ASIC2: variants seen among roughly 807,000 people sequenced by gnomAD.
ASIC2 encodes the protein acid-sensing ion channel 2.
In ASIC2, 25 loss-of-function variants were observed where a neutral mutation model predicts 57.3. The observed-to-expected ratio is 0.44, with a 90% confidence interval of 0.32 to 0.61. The LOEUF (loss-of-function observed/expected upper bound fraction) is 0.61, where lower values mean the gene tolerates loss of function less well. ASIC2 is among the 20% of genes least tolerant of loss of function. ASIC2 has a pLI of 0.06. For synonymous variants in ASIC2, 319 were observed against 307.5 expected (o/e 1.04, Z -0.39); for missense variants, 641 against 738.1 (o/e 0.87, Z 1.52).
intron 1 of ASIC2, among the ~76,000 whole-genome samples, chr17:33,785,015 C>T (rs1911561164): frequency 6.6e-6 from 1 of 152,022 alleles, no homozygotes; most frequent in South Asian, 2.1e-4. Context: ...TCACATTCCC[C>T]CAAAAATTCC....
Position 33,013,626 on chromosome 17 carries a change from G to A in ASIC2, c.*339C>T. 3.3e-6 allele frequency: 1 copy of A among 301,126 alleles called. No homozygotes were observed. The highest frequency in any genetic ancestry group is 6.4e-6 in the Non-Finnish European group (1 of 156,786). 18.7% of individuals were successfully genotyped at this position (301,126 alleles called of 1,614,324 possible). On this transcript the variant is annotated 3_prime_UTR_variant, in exon 10 of 10. Coordinates refer to ENST00000225823, the MANE Select transcript of ASIC2 (RefSeq NM_183377.2). ...GTGTGGACACTGGAAACCGCGTGGA[G>A]GAGTGTCATGTACAAGACAGACGTG...
At chr17:33,408,316 A>G (rs942959218) in intron 1 of ASIC2, among the ~76,000 whole-genome samples, 2 of 152,226 alleles carry the variant, frequency 1.3e-5, no homozygotes, top group Non-Finnish European at 2.9e-5. Flanking sequence ...TGAGAACACC[A>G]GGAACAGGAA....
At chr17:33,423,396 C>A (rs1349570942) in intron 1 of ASIC2, among the ~76,000 whole-genome samples, 3 of 152,132 alleles carry the variant, frequency 2.0e-5, no homozygotes, top group African/African-American at 7.2e-5. Context: ...CTTCCATTTC[C>A]TCATCTGTAA....
chr17:34,026,991 A>G (rs1907400546), intron 1 of ASIC2, among the ~76,000 whole-genome samples: 1 of 152,250 alleles, frequency 6.6e-6, no homozygotes, highest in African/African-American at 2.4e-5. Flanking sequence ...TCCAGATTTA[A>G]CAAAATTACC....
chr17:33,490,254 G>A (rs976145156), intron 1 of ASIC2, among the ~76,000 whole-genome samples: 3 of 152,206 alleles, frequency 2.0e-5, no homozygotes, highest in Non-Finnish European at 4.4e-5. Flanking sequence ...TAAATAGTTT[G>A]CTAACCCTTG....
At chr17:33,463,080 A>T (rs530535979) in intron 1 of ASIC2, among the ~76,000 whole-genome samples, 40 of 152,234 alleles carry the variant, frequency 2.6e-4, no homozygotes, top group Non-Finnish European at 5.1e-4. Flanking sequence ...AAGACGCAGT[A>T]CTCTTGAAGT....
chr17:33,183,052 G>A (rs1387448199), intron 1 of ASIC2, among the ~76,000 whole-genome samples: 1 of 152,106 alleles, frequency 6.6e-6, no homozygotes, highest in Non-Finnish European at 1.5e-5. Flanking sequence ...CATTTTACAG[G>A]TAAAGAAAAT....
chr17:33,148,450 G>A (rs1033532084), intron 1 of ASIC2, among the ~76,000 whole-genome samples: 7 of 152,152 alleles, frequency 4.6e-5, no homozygotes, highest in Non-Finnish European at 7.4e-5. Flanking sequence ...TAGGATGTGC[G>A]AGAAGAAGCA....
intron 1 of ASIC2, among the ~76,000 whole-genome samples, chr17:33,220,244 A>G (rs925589000): frequency 2.0e-5 from 3 of 152,290 alleles, no homozygotes; most frequent in Admixed American, 6.5e-5. Context: ...GCTACCTCAC[A>G]AAGCATTCTG....
chr17:33,460,038 A>C (rs1912583709), intron 1 of ASIC2, among the ~76,000 whole-genome samples: 1 of 151,912 alleles, frequency 6.6e-6, no homozygotes, highest in South Asian at 2.1e-4. Context: ...GATTTTACTC[A>C]GATTTGTGTG....
At chr17:33,459,091 G>C (rs563561915) in intron 1 of ASIC2, among the ~76,000 whole-genome samples, 1 of 151,486 alleles carries the variant, frequency 6.6e-6, no homozygotes, top group South Asian at 2.1e-4. Flanking sequence ...TTTGTTTTTT[G>C]TGTTTTCTGT....
At chr17:33,051,745 G>C (rs547449810) in intron 3 of ASIC2, among the ~76,000 whole-genome samples, 1 of 152,274 alleles carries the variant, frequency 6.6e-6, no homozygotes, top group East Asian at 1.9e-4. Flanking sequence ...CTAGCGCACT[G>C]CCTATATGAC....
chr17:33,772,344 C>T (rs1458111564), intron 1 of ASIC2, among the ~76,000 whole-genome samples: 1 of 152,154 alleles, frequency 6.6e-6, no homozygotes, highest in Non-Finnish European at 1.5e-5. Flanking sequence ...TAGATCATAC[C>T]CTTTTTAGCC....
rs141012780 is a variant in ASIC2 at position 33,353,995 on chromosome 17, A to G, written c.556-241928T>C. ...TTCCACATGGCTGGGGAGGCCTCAC[A>G]TTCATGTTGGAAGGCAAAAGAGGAG... On this transcript the variant is annotated intron_variant, in intron 1 of 9. Transcript: ENST00000359872. 9.0e-3 allele frequency among the ~76,000 whole-genome samples: 1,369 copies of G among 152,276 alleles called. 16 individuals are homozygous for G. The highest frequency in any genetic ancestry group is 0.014 in the Admixed American group (218 of 15,296).
intron 3 of ASIC2, among the ~76,000 whole-genome samples, chr17:33,058,907 T>A (rs1294788884): frequency 1.3e-5 from 2 of 152,310 alleles, no homozygotes; most frequent in East Asian, 3.9e-4. Flanking sequence ...AATAGAGAGA[T>A]GATAAGTAAA....
chr17:33,850,307 A>G (rs1211264943), intron 1 of ASIC2, among the ~76,000 whole-genome samples: 1 of 152,252 alleles, frequency 6.6e-6, no homozygotes, highest in Non-Finnish European at 1.5e-5. Flanking sequence ...AATAAAATAA[A>G]GTAAAATAAA....
At chr17:34,051,515 G>A (rs1375567487) in intron 1 of ASIC2, among the ~76,000 whole-genome samples, 2 of 152,140 alleles carry the variant, frequency 1.3e-5, no homozygotes, top group Non-Finnish European at 2.9e-5. Flanking sequence ...GATAAGTCAG[G>A]ACTATCAGTT....
intron 1 of ASIC2, among the ~76,000 whole-genome samples, chr17:33,245,493 C>A (rs1282679636): frequency 2.0e-5 from 3 of 152,112 alleles, no homozygotes; most frequent in African/African-American, 7.2e-5. Context: ...AAGTCCATGG[C>A]CTGTTGGAAT....
chr17:33,803,161 G>A (rs998902474), intron 1 of ASIC2, among the ~76,000 whole-genome samples: 1 of 152,186 alleles, frequency 6.6e-6, no homozygotes, highest in Non-Finnish European at 1.5e-5. Flanking sequence ...GTTGGTAATT[G>A]CATGAGGGAA....
Sources: allele counts gnomAD v4.1 joint callset (sites outside exome capture counted in the v4.1 genomes callset), GRCh38; gene constraint gnomAD v4.1.1; transcripts MANE v1.5; gene names NCBI Gene and HGNC (gene_info 2026-07-23, HGNC 2026-07-21).